Variants in MTHFD1L observed in about 807,000 individuals in gnomAD.
The protein encoded by MTHFD1L is methylenetetrahydrofolate dehydrogenase (NADP+ dependent) 1 like.
Under a neutral mutation model 119.5 loss-of-function variants are expected in MTHFD1L, and 81 were observed. The ratio of observed to expected loss-of-function variants is 0.68; its 90% CI spans 0.57 to 0.82. The LOEUF is 0.82. MTHFD1L is among the 40% of genes least tolerant of loss of function. The pLI is 0.00. For synonymous variants in MTHFD1L, 430 were observed against 475.2 expected, an observed-to-expected ratio of 0.90 and a Z score of 1.24; for missense variants, 1,125 against 1,253.4, an observed-to-expected ratio of 0.90 and a Z score of 1.55.
chr6:150,988,609 G>C (rs12527598), intron 20 of MTHFD1L, among the ~76,000 whole-genome samples: 5 of 144,348 alleles, frequency 3.5e-5, no homozygotes, highest in African/African-American at 1.0e-4. Context: ...TTTTTTTGTG[G>C]GGGGGGCGGG....
chr6:151,079,544 C>T (rs183366310), intron 26 of MTHFD1L, among the ~76,000 whole-genome samples: 3 of 152,082 alleles, frequency 2.0e-5, no homozygotes, highest in African/African-American at 4.8e-5. Flanking sequence ...AGCTGGAGTG[C>T]GATGGCGTGA....
intron 17 of MTHFD1L, among the ~76,000 whole-genome samples, chr6:150,959,634 G>C (rs1796144197): frequency 6.6e-6 from 1 of 152,190 alleles, no homozygotes; most frequent in Non-Finnish European, 1.5e-5. Flanking sequence ...CCAGTTGACT[G>C]GGTTGCCCTC....
At chr6:151,008,193 G>T (rs1040181032) in intron 20 of MTHFD1L, among the ~76,000 whole-genome samples, 6 of 152,180 alleles carry the variant, frequency 3.9e-5, no homozygotes, top group African/African-American at 1.4e-4. Context: ...TCTTGCTACA[G>T]CAACTTAACA....
At chr6:150,882,267 G>T (rs980182322) in intron 4 of MTHFD1L, among the ~76,000 whole-genome samples, 4 of 152,212 alleles carry the variant, frequency 2.6e-5, no homozygotes, top group African/African-American at 9.7e-5. Context: ...GAGGGCCTCT[G>T]TGACTGCTTG....
At chr6:150,897,830 G>A (rs1307019703) in intron 7 of MTHFD1L, among the ~76,000 whole-genome samples, 3 of 152,042 alleles carry the variant, frequency 2.0e-5, no homozygotes, top group African/African-American at 4.8e-5. Context: ...TTTTAAGGTC[G>A]TGGAATTAGA....
At chr6:150,944,982 G>T (rs911999414) in intron 14 of MTHFD1L, among the ~76,000 whole-genome samples, 1 of 152,212 alleles carries the variant, frequency 6.6e-6, no homozygotes. Flanking sequence ...TATTTTAGAT[G>T]TGCTGAAAAG....
rs1365984409 is a variant in MTHFD1L at position 151,012,032 on chromosome 6, A to C, written c.2266-1747A>C. On this transcript the variant is annotated intron_variant, in intron 21 of 27. Coordinates refer to ENST00000367321, the MANE Select transcript of MTHFD1L (RefSeq NM_015440.5). ...CAACAACAACAACAAAAAAAAAAAA[A>C]AAAAAAAAAAAAAAAAAAACCAGCA... Among the ~76,000 whole-genome samples the C allele has an allele frequency of 4.9e-3, 682 of 139,194 alleles. 9 individuals are homozygous for C. The highest frequency in any genetic ancestry group is 0.017 in the African/African-American group (616 of 36,236). The allele number at this position is 139,194 out of a possible 152,430, so 91.3% of individuals were successfully genotyped here.
At chr6:151,021,425 GT>G (rs1783930221) in intron 24 of MTHFD1L, among the ~76,000 whole-genome samples, 1 of 152,134 alleles carries the variant, frequency 6.6e-6, no homozygotes, top group Non-Finnish European at 1.5e-5. Context: ...TCACGCACCT[GT>G]AGTCCCAGCT....
intron 17 of MTHFD1L, chr6:150,959,114 A>T: frequency 1.2e-6 from 1 of 848,892 alleles, no homozygotes; most frequent in Non-Finnish European, 1.4e-6. Context: ...AATGAGTTAT[A>T]TTGAGAATGT....
chr6:150,912,301 GT>G (rs11392847), intron 8 of MTHFD1L, among the ~76,000 whole-genome samples: 86 of 144,366 alleles, frequency 6.0e-4, no homozygotes, highest in South Asian at 4.9e-3. Context: ...CAGTGTTTTT[GT>G]TTTTTTTTTT....
At chr6:151,078,819 A>G (rs1792836697) in intron 26 of MTHFD1L, among the ~76,000 whole-genome samples, 1 of 152,086 alleles carries the variant, frequency 6.6e-6, no homozygotes, top group South Asian at 2.1e-4. Context: ...CACAGGCCTC[A>G]CCTGCACTCA....
intron 7 of MTHFD1L, among the ~76,000 whole-genome samples, chr6:150,903,610 G>T (rs1227373076): frequency 6.6e-6 from 1 of 152,012 alleles, no homozygotes; most frequent in East Asian, 1.9e-4. Flanking sequence ...TTTTTGTAGA[G>T]ACAGGGCCTT....
chr6:150,911,795 A>T (rs572758764), intron 8 of MTHFD1L, among the ~76,000 whole-genome samples: 1 of 152,240 alleles, frequency 6.6e-6, no homozygotes, highest in East Asian at 1.9e-4. Context: ...CTTACATGGC[A>T]GCAGCAAGAG....
At position 151,014,875 on chromosome 6, in the gene MTHFD1L, T is replaced by A. The variant is rs745432627; in HGVS notation, c.2308-5T>A. ...GTCTGGGTTTTGCTTTTTTCTTTTT[T>A]ACAGAACATCCAGCTGGTGGCAGAC... On this transcript the variant is annotated splice_region_variant and splice_polypyrimidine_tract_variant and intron_variant, in intron 22 of 27. Coordinates refer to ENST00000367321, the MANE Select transcript of MTHFD1L (RefSeq NM_015440.5). 5.6e-6 allele frequency: 9 copies of A among 1,613,586 alleles called. No homozygotes were observed. The South Asian group carries it at 8.8e-5, about 16-fold the overall frequency.
intron 24 of MTHFD1L, among the ~76,000 whole-genome samples, chr6:151,029,235 A>G (rs1220222896): frequency 6.6e-6 from 1 of 151,230 alleles, no homozygotes; most frequent in Admixed American, 6.6e-5. Flanking sequence ...AGCCTGGCCA[A>G]CATAGTGAAA....
Position 150,865,982 on chromosome 6 carries a change from G to A in MTHFD1L, c.160G>A (p.Asp54Asn), listed in dbSNP as rs1351237228. The change falls in exon 1 of 28, where the codon GAT becomes AAT. Residue 54 changes from aspartate (D) to asparagine (N), a missense_variant. Transcript: ENST00000367321. Reference sequence around the variant, plus strand: ...CCTGCTTGGACAGCGGCGGCCGCAGGATGGCCAGGCCCGGAGCAGCTGCAG... The same window carrying A: ...CCTGCTTGGACAGCGGCGGCCGCAGAATGGCCAGGCCCGGAGCAGCTGCAG... ...EGLLGQRRPQ[D>N]GQARSSCSPG... 1.0e-5 allele frequency: 13 copies of A among 1,287,036 alleles called. No individual in the cohort carries two copies. The highest frequency in any genetic ancestry group is 1.3e-5 in the Non-Finnish European group (13 of 1,023,432). 79.7% of individuals were successfully genotyped at this position (1,287,036 alleles called of 1,614,324 possible).
chr6:150,925,645 CT>C (rs200305687), intron 10 of MTHFD1L, among the ~76,000 whole-genome samples: 1 of 151,226 alleles, frequency 6.6e-6, no homozygotes, highest in Non-Finnish European at 1.5e-5. Context: ...CACATTTTTT[CT>C]TTTTTTTTGT....
intron 10 of MTHFD1L, among the ~76,000 whole-genome samples, chr6:150,925,304 C>T (rs1789749062): frequency 6.6e-6 from 1 of 152,176 alleles, no homozygotes. Context: ...GGTGTGCCTT[C>T]CATCTCTCAC....
intron 24 of MTHFD1L, among the ~76,000 whole-genome samples, chr6:151,020,680 A>T (rs1783826775): frequency 6.6e-6 from 1 of 152,184 alleles, no homozygotes; most frequent in South Asian, 2.1e-4. Flanking sequence ...AATACAGAGG[A>T]TCATTTCCTC....
Sources: gnomAD v4.1 joint callset for allele counts (sites outside exome capture counted in the v4.1 genomes callset) on GRCh38, gnomAD v4.1.1 for gene constraint, MANE v1.5 for transcripts, NCBI Gene and HGNC (gene_info 2026-07-23, HGNC 2026-07-21) for gene names.